The following SOX5 variants were observed in gnomAD, a reference collection of about 807,000 sequenced individuals.
SOX5 encodes SRY-box transcription factor 5.
SOX5 carries 9 observed loss-of-function variants against 92.0 expected under a neutral mutation model. The ratio of observed to expected loss-of-function variants is 0.10; its 90% confidence interval spans 0.06 to 0.17. The LOEUF is 0.17. Ranked by LOEUF, SOX5 falls within the 10% of genes least tolerant of loss-of-function variation. The pLI, the probability that SOX5 is intolerant of heterozygous loss-of-function variation, is 1.00. For missense variants in SOX5, 642 were observed against 944.5 expected, an observed-to-expected ratio of 0.68 and a Z score of 4.20; for synonymous variants, 344 against 336.3, an observed-to-expected ratio of 1.02 and a Z score of -0.25.
intron 4 of SOX5, among the ~76,000 whole-genome samples, chr12:24,160,398 G>A (rs1420328829): frequency 6.6e-6 from 1 of 151,922 alleles, no homozygotes; most frequent in African/African-American, 2.4e-5. Context: ...GGGGAGGTTG[G>A]AGAAGCTTTA....
intron 1 of SOX5, among the ~76,000 whole-genome samples, chr12:23,917,266 C>T (rs776425793): frequency 1.3e-5 from 2 of 152,064 alleles, no homozygotes; most frequent in African/African-American, 2.4e-5. Flanking sequence ...TCTGGCCGGG[C>T]GCAGTGGCTC....
At chr12:24,205,186 T>C (rs543352039) in intron 4 of SOX5, among the ~76,000 whole-genome samples, 1 of 152,316 alleles carries the variant, frequency 6.6e-6, no homozygotes, top group East Asian at 1.9e-4. Context: ...ACTTAAGTTA[T>C]CTGCTTAAAT....
Position 24,016,708 on chromosome 12 carries a change from G to A in SOX5, c.-1-120684C>T, listed in dbSNP as rs12424587. On this transcript the variant is annotated intron_variant, in intron 4 of 4. Coordinates refer to the SOX5 transcript ENST00000446891. The stretch of plus-strand genomic sequence containing the variant: ...AGTTTGGCGTCCGCCTTTTGGAAAT[G>A]TGGCCACAATATATTGACTTGCATA... Among the ~76,000 whole-genome samples, 602 of 152,302 alleles carry A rather than the reference G, an allele frequency of 4.0e-3. 8 individuals carry two copies. The highest frequency in any genetic ancestry group is 0.034 in the East Asian group (177 of 5,176).
At chr12:23,914,522 G>A (rs12817156) in intron 1 of SOX5, among the ~76,000 whole-genome samples, 52,940 of 151,752 alleles carry the variant, frequency 0.35, 9,909 homozygotes, top group Non-Finnish European at 0.43. Flanking sequence ...TCTCTATCAC[G>A]GCAGAGGAGA....
chr12:23,876,427 A>C (rs1473750765), intron 2 of SOX5, among the ~76,000 whole-genome samples: 1 of 152,264 alleles, frequency 6.6e-6, no homozygotes, highest in Non-Finnish European at 1.5e-5. Flanking sequence ...CCACAATGAG[A>C]TACCACCTCA....
intron 8 of SOX5, among the ~76,000 whole-genome samples, chr12:23,631,543 T>C (rs1400532702): frequency 6.6e-6 from 1 of 152,130 alleles, no homozygotes; most frequent in Admixed American, 6.6e-5. Context: ...AGTTCTTTTA[T>C]GTATGTTTAT....
In SOX5 at chr12:23,584,263, A is replaced by G. The variant is rs1299249446; in HGVS notation, c.1165-8425T>C. 4.6e-5 allele frequency among the ~76,000 whole-genome samples: 7 copies of G among 152,142 alleles called. No individual in the cohort carries two copies. In the East Asian group the frequency reaches 1.3e-3, roughly 29 times the overall value. ...CGGGGGGAAAAAACCACTGATGAAA[A>G]TATTAATGAAACACTGATGAACCTG... On this transcript the variant is annotated intron_variant, in intron 9 of 14. Transcript: ENST00000451604.
chr12:24,361,254 C>A (rs1955521536), intron 2 of SOX5, among the ~76,000 whole-genome samples: 1 of 152,072 alleles, frequency 6.6e-6, no homozygotes, highest in Non-Finnish European at 1.5e-5. Flanking sequence ...CAGTGATGGC[C>A]CCAGTGCATT....
chr12:23,801,678 A>T (rs982227243), intron 3 of SOX5, among the ~76,000 whole-genome samples: 2 of 152,192 alleles, frequency 1.3e-5, no homozygotes, highest in Non-Finnish European at 2.9e-5. Flanking sequence ...CATTATTAAT[A>T]CTAAAATCTA....
At chr12:23,610,252 A>G (rs778400094) in intron 8 of SOX5, among the ~76,000 whole-genome samples, 13 of 152,142 alleles carry the variant, frequency 8.5e-5, no homozygotes, top group Non-Finnish European at 1.8e-4. Context: ...ATTAATACCT[A>G]GAGGTGGTAA....
In SOX5 at chr12:24,160,767, T is replaced by C. The variant is rs142202159; in HGVS notation, c.-2+52576A>G. On this transcript the variant is annotated intron_variant, in intron 4 of 4. Coordinates refer to the SOX5 transcript ENST00000446891. ...TGAACTGACCACACATCAACCTGCA[T>C]GAGAAGAGTAGCTTAATACAAAAAA... Among the ~76,000 whole-genome samples the C allele has an allele frequency of 4.6e-3, 696 of 152,100 alleles. 4 individuals are homozygous for C. The highest frequency in any genetic ancestry group is 0.016 in the African/African-American group (675 of 41,514).
At chr12:24,350,387 G>C (rs1293209671) in intron 2 of SOX5, among the ~76,000 whole-genome samples, 1 of 152,094 alleles carries the variant, frequency 6.6e-6, no homozygotes, top group Non-Finnish European at 1.5e-5. Context: ...GTCTTACTCT[G>C]TCACCCAGGA....
intron 11 of SOX5, among the ~76,000 whole-genome samples, chr12:23,552,792 T>A (rs1944447240): frequency 6.6e-6 from 1 of 151,982 alleles, no homozygotes; most frequent in Non-Finnish European, 1.5e-5. Context: ...GACATACGAC[T>A]ACCTGCCTAG....
chr12:24,016,902 A>G (rs1057344356), intron 4 of SOX5, among the ~76,000 whole-genome samples: 3 of 152,202 alleles, frequency 2.0e-5, no homozygotes, highest in African/African-American at 4.8e-5. Flanking sequence ...CTGTAAAATG[A>G]TATCTACTCA....
At chr12:24,300,035 A>C (rs1240513127) in intron 2 of SOX5, among the ~76,000 whole-genome samples, 1 of 152,252 alleles carries the variant, frequency 6.6e-6, no homozygotes, top group Non-Finnish European at 1.5e-5. Context: ...TTCAACAAGA[A>C]AAAAACAATT....
At chr12:24,271,490 C>T (rs1031966986) in intron 3 of SOX5, among the ~76,000 whole-genome samples, 38 of 151,978 alleles carry the variant, frequency 2.5e-4, no homozygotes, top group African/African-American at 8.7e-4. Flanking sequence ...CTTTTTATGG[C>T]GTTTTCTGAT....
intron 11 of SOX5, 81 bp downstream of exon 11, chr12:23,563,177 G>A: frequency 8.6e-7 from 1 of 1,158,004 alleles, no homozygotes; most frequent in South Asian, 1.5e-5. Flanking sequence ...ATGATAAGAA[G>A]ATGGAAATAT....
At chr12:24,255,948 A>T (rs536022988) in intron 3 of SOX5, among the ~76,000 whole-genome samples, 1 of 152,344 alleles carries the variant, frequency 6.6e-6, no homozygotes, top group East Asian at 1.9e-4. Context: ...AATAAAAGTG[A>T]AATCTGCGGC....
chr12:24,553,372 A>G (rs1037410241), intron 1 of SOX5, among the ~76,000 whole-genome samples: 2 of 152,214 alleles, frequency 1.3e-5, no homozygotes, highest in African/African-American at 4.8e-5. Flanking sequence ...GAGATTATCC[A>G]TGTATGGCAT....
Sources: allele counts gnomAD v4.1 joint callset (sites outside exome capture counted in the v4.1 genomes callset), GRCh38; gene constraint gnomAD v4.1.1; transcripts MANE v1.5; gene names NCBI Gene and HGNC (gene_info 2026-07-23, HGNC 2026-07-21).